The following PAIP1 variants were observed in gnomAD, a reference collection of about 807,000 sequenced individuals.
PAIP1 encodes poly(A) binding protein interacting protein 1.
A neutral mutation model predicts 61.3 loss-of-function variants in PAIP1; 16 were observed. The ratio of observed to expected loss-of-function variants is 0.26; its 90% CI spans 0.18 to 0.40. The LOEUF (loss-of-function observed/expected upper bound fraction) is 0.40. Ranked by LOEUF, PAIP1 falls within the 10% of genes least tolerant of loss-of-function variation. The pLI is 1.00. For synonymous variants in PAIP1, 187 were observed against 226.2 expected (o/e 0.83, Z 1.56); for missense variants, 416 against 600.9 (o/e 0.69, Z 3.22).
chr5:43,545,872 C>T (rs1307684182), intron 3 of PAIP1, among the ~76,000 whole-genome samples: 3 of 151,844 alleles, frequency 2.0e-5, no homozygotes, highest in East Asian at 1.9e-4. Context: ...CGGGTTCAAG[C>T]GATTCTCCTG....
At chr5:43,529,927 T>TG (rs1746871236) in intron 9 of PAIP1, 48 bp from the exon 10 acceptor site, 1 of 879,302 alleles carries the variant, frequency 1.1e-6, no homozygotes, top group South Asian at 1.3e-5. Flanking sequence ...AAATATCACA[T>TG]GAAATGACCA....
At chr5:43,549,785 T>C (rs1284740515) in intron 2 of PAIP1, among the ~76,000 whole-genome samples, 5 of 152,268 alleles carry the variant, frequency 3.3e-5, no homozygotes, top group African/African-American at 1.2e-4. Flanking sequence ...AGTGGCAAGA[T>C]CTTGGCTCAC....
At chr5:43,548,390 T>G (rs952385171) in intron 2 of PAIP1, among the ~76,000 whole-genome samples, 1 of 113,120 alleles carries the variant, frequency 8.8e-6, no homozygotes, top group South Asian at 3.7e-4. Flanking sequence ...AACTTTTTTA[T>G]TGGGGAAAAA....
In PAIP1 at chr5:43,556,741, C is replaced by G; in HGVS notation, c.106G>C (p.Gly36Arg). Reference protein sequence around the residue: ...PEGGGFPNGAGPAERARHQPP... With the variant: ...PEGGGFPNGARPAERARHQPP... ...TGGTGCCGCGCCCGCTCAGCAGGCC[C>G]CGCTCCGTTCGGGAAACCGCCGCCC... The change falls in exon 1 of 11, where the codon GGG becomes CGG. Residue 36 changes from glycine to arginine, a missense_variant. Gly to Arg is a moderately radical substitution (Grantham distance 125). Transcript: ENST00000306846. 10 of 1,407,316 alleles carry G rather than the reference C, an allele frequency of 7.1e-6. No individual in the cohort carries two copies. The highest frequency in any genetic ancestry group is 9.2e-6 in the Non-Finnish European group (10 of 1,084,854). 87.2% of individuals were successfully genotyped at this position (1,407,316 alleles called of 1,614,324 possible).
chr5:43,531,385 A>G (rs114812932), intron 9 of PAIP1, among the ~76,000 whole-genome samples: 2,082 of 142,966 alleles, frequency 0.015, 46 homozygotes, highest in African/African-American at 0.048. Flanking sequence ...GGTCATATTA[A>G]TATGAAACTT....
In PAIP1 at chr5:43,533,959, G is replaced by C. The variant is rs114423094; in HGVS notation, c.1198-167C>G. Among the ~76,000 whole-genome samples, 1,047 of 152,286 alleles carry C rather than the reference G, an allele frequency of 6.9e-3. 9 individuals are homozygous for C. Among genetic ancestry groups the C allele is most frequent in the African/African-American group, 0.024 (1,002 of 41,562 alleles). On this transcript the variant is annotated intron_variant, in intron 8 of 10. Transcript: ENST00000306846. ...TTTTCACTTCACTGAGAAAGTCTATGGTTTTCAGATTTCCATGCCATTATC... is the reference window on the plus strand; with the variant it reads ...TTTTCACTTCACTGAGAAAGTCTATCGTTTTCAGATTTCCATGCCATTATC...
chr5:43,543,700 GAAAAA>G (rs70997413), intron 3 of PAIP1, among the ~76,000 whole-genome samples: 1 of 135,626 alleles, frequency 7.4e-6, no homozygotes, highest in Non-Finnish European at 1.6e-5. Flanking sequence ...CTTAAAAACA[GAAAAA>G]AAAAAAAGTA....
chr5:43,533,427 C>T lies in PAIP1; in HGVS notation c.1252+311G>A, dbSNP rs148100210. Among the ~76,000 whole-genome samples, 244 of 152,128 alleles carry T rather than the reference C, an allele frequency of 1.6e-3. 3 individuals carry two copies. Among genetic ancestry groups the T allele is most frequent in the African/African-American group, 5.7e-3 (236 of 41,498 alleles). On this transcript the variant is annotated intron_variant, in intron 9 of 10. Coordinates refer to ENST00000306846, the MANE Select transcript of PAIP1 (RefSeq NM_006451.5). The stretch of plus-strand genomic sequence containing the variant: ...TCGTCTTTCCCCTCCATTCTAATCA[C>T]CTGAAAATTTAAGATTATAAAAAAG...
chr5:43,551,378 A>G (rs572831785), intron 2 of PAIP1, among the ~76,000 whole-genome samples: 1 of 152,344 alleles, frequency 6.6e-6, no homozygotes, highest in African/African-American at 2.4e-5. Context: ...ATTATCATAT[A>G]TCTGTATAAT....
At chr5:43,551,575 T>C (rs977292533) in intron 2 of PAIP1, among the ~76,000 whole-genome samples, 19 of 152,172 alleles carry the variant, frequency 1.2e-4, no homozygotes, top group Non-Finnish European at 2.6e-4. Context: ...AGTCTTAAGT[T>C]TTTGATATAC....
intron 2 of PAIP1, 113 bp downstream of exon 2, chr5:43,555,714 TAAA>T (rs1178669362): frequency 2.7e-6 from 2 of 738,340 alleles, no homozygotes; most frequent in Admixed American, 2.8e-5. Context: ...ACATTCACAA[TAAA>T]AAAATTTTTT....
chr5:43,542,538 A>C (rs919259305), intron 4 of PAIP1, among the ~76,000 whole-genome samples: 6 of 152,014 alleles, frequency 3.9e-5, no homozygotes, highest in Non-Finnish European at 7.4e-5. Context: ...CATCTCAAAA[A>C]AAAAAAAAAA....
At chr5:43,542,628 A>G (rs74829374) in intron 4 of PAIP1, among the ~76,000 whole-genome samples, 3 of 152,314 alleles carry the variant, frequency 2.0e-5, no homozygotes, top group Non-Finnish European at 4.4e-5. Flanking sequence ...GAAAATCCAG[A>G]ATCAAAACCC....
intron 5 of PAIP1, 60 bp from the exon 6 acceptor site, chr5:43,537,004 A>C (rs1485126810): frequency 2.3e-5 from 29 of 1,265,488 alleles, no homozygotes; most frequent in Non-Finnish European, 1.1e-6. Flanking sequence ...CAGATACATA[A>C]ATGAACTAAC....
intron 6 of PAIP1, among the ~76,000 whole-genome samples, chr5:43,535,979 T>C (rs1237177553): frequency 2.5e-5 from 1 of 39,658 alleles, no homozygotes; most frequent in Non-Finnish European, 6.5e-5. Context: ...GTATAGAAGC[T>C]TTGAATAAAA....
Position 43,532,864 on chromosome 5 carries a change from A to G in PAIP1, c.1252+874T>C, listed in dbSNP as rs549467833. Among the ~76,000 whole-genome samples the G allele has an allele frequency of 3.9e-5, 6 of 152,362 alleles. No individual in the cohort carries two copies. In the South Asian group the frequency reaches 6.2e-4, roughly 16 times the overall value. Reference sequence around the variant, plus strand: ...GGTCAACAAGAACAAGAAAACTTCAATATCACTTGTCAGGGAAATAAAATA... The same window carrying G: ...GGTCAACAAGAACAAGAAAACTTCAGTATCACTTGTCAGGGAAATAAAATA... On this transcript the variant is annotated intron_variant, in intron 9 of 10. Coordinates refer to ENST00000306846, the MANE Select transcript of PAIP1 (RefSeq NM_006451.5).
At chr5:43,537,477 C>T (rs1232337905) in intron 5 of PAIP1, among the ~76,000 whole-genome samples, 1 of 152,042 alleles carries the variant, frequency 6.6e-6, no homozygotes, top group Middle Eastern at 3.2e-3. Flanking sequence ...TGAAAAAGAA[C>T]ATGGCATAAG....
intron 8 of PAIP1, among the ~76,000 whole-genome samples, chr5:43,534,569 T>C (rs1747069911): frequency 6.6e-6 from 1 of 152,256 alleles, no homozygotes; most frequent in Non-Finnish European, 1.5e-5. Context: ...TCCTTGGTTA[T>C]AAATTCTCTG....
chr5:43,550,569 G>C (rs1021279371), intron 2 of PAIP1, among the ~76,000 whole-genome samples: 8 of 152,048 alleles, frequency 5.3e-5, no homozygotes, highest in Non-Finnish European at 7.4e-5. Context: ...TAAGGGCTTT[G>C]CCTGCATCTT....
Sources: gnomAD v4.1 joint callset for allele counts (sites outside exome capture counted in the v4.1 genomes callset) on GRCh38, gnomAD v4.1.1 for gene constraint, MANE v1.5 for transcripts, NCBI Gene and HGNC (gene_info 2026-07-23, HGNC 2026-07-21) for gene names.